Variants in AGBL1 observed in about 807,000 individuals in gnomAD.
AGBL1 encodes the protein AGBL carboxypeptidase 1.
In AGBL1, 130 loss-of-function variants were observed where a neutral mutation model predicts 118.9. The observed-to-expected ratio is 1.09, with a 90% CI of 0.95 to 1.26. The LOEUF (loss-of-function observed/expected upper bound fraction) is 1.26, where lower values mean the gene tolerates loss of function less well. Ranked by LOEUF, AGBL1 falls within the 50% of genes most tolerant of loss-of-function variation. The probability of loss-of-function intolerance (pLI) is 0.00; values close to 1 mark genes in which losing one functional copy is unlikely to be tolerated. For synonymous variants in AGBL1, 555 were observed against 478.9 expected (o/e 1.16, Z -2.08); for missense variants, 1,584 against 1,298.1 (o/e 1.22, Z -3.38).
intron 22 of AGBL1, among the ~76,000 whole-genome samples, chr15:86,833,124 C>T (rs757456216): frequency 5.9e-5 from 9 of 152,248 alleles, no homozygotes; most frequent in Middle Eastern, 3.4e-3. Context: ...TCAATTGCTT[C>T]GCATTGGGTT....
chr15:86,336,277 A>G (rs745426734), intron 17 of AGBL1, among the ~76,000 whole-genome samples: 2 of 152,164 alleles, frequency 1.3e-5, no homozygotes, highest in Admixed American at 1.3e-4. Context: ...CATTTTACTC[A>G]TGGGGTTGGG....
At chr15:86,111,753 C>T (rs1350208667) in intron 1 of AGBL1, among the ~76,000 whole-genome samples, 1 of 152,178 alleles carries the variant, frequency 6.6e-6, no homozygotes, top group Non-Finnish European at 1.5e-5. Flanking sequence ...CAGGGGTCTC[C>T]AACCCCCGGG....
chr15:86,781,082 T>G (rs1390661229), intron 22 of AGBL1, among the ~76,000 whole-genome samples: 7 of 152,314 alleles, frequency 4.6e-5, no homozygotes, highest in Admixed American at 2.0e-4. Flanking sequence ...ATAGCACCCT[T>G]TAAAATATTT....
At chr15:87,014,074 T>C (rs1451653677) in intron 24 of AGBL1, among the ~76,000 whole-genome samples, 1 of 152,194 alleles carries the variant, frequency 6.6e-6, no homozygotes, top group Non-Finnish European at 1.5e-5. Context: ...TGATAGACAC[T>C]TATTATTTCT....
At chr15:86,751,714 T>C (rs926182416) in intron 22 of AGBL1, among the ~76,000 whole-genome samples, 2 of 152,132 alleles carry the variant, frequency 1.3e-5, no homozygotes, top group African/African-American at 4.8e-5. Flanking sequence ...GTATTACATA[T>C]CTTATTTAAA....
intron 18 of AGBL1, among the ~76,000 whole-genome samples, chr15:86,433,032 A>T (rs1233716451): frequency 6.6e-6 from 1 of 152,194 alleles, no homozygotes; most frequent in African/African-American, 2.4e-5. Context: ...GATGCTAAGA[A>T]CAAAGTTCCC....
At chr15:86,993,968 C>T (rs1257749702) in intron 24 of AGBL1, among the ~76,000 whole-genome samples, 1 of 152,054 alleles carries the variant, frequency 6.6e-6, no homozygotes, top group Non-Finnish European at 1.5e-5. Context: ...GATCCTTTCC[C>T]ATCCATCCTG....
Position 86,264,812 on chromosome 15 carries a change from G to T in AGBL1, c.1641G>T (p.Met547Ile), listed in dbSNP as rs143113232. The T allele has an allele frequency of 2.1e-5, 34 of 1,609,590 alleles. No individual in the cohort carries two copies. The African/African-American group carries it at 3.5e-4, about 16-fold the overall frequency. ...GHCPPPTTQP[M>I]LERKCGVQRI... ...GTCCCCCTCCCACCACCCAGCCTAT[G>T]TTGGAACGAAAATGTGGAGTCCAAA... The change falls in exon 11 of 23, where the codon ATG becomes ATT. Residue 547 changes from methionine (M) to isoleucine (I), a missense_variant. By Grantham distance (10) the Met-to-Ile change is conservative. Transcript: ENST00000614907.
chr15:86,809,414 T>A (rs1343915814), intron 22 of AGBL1, among the ~76,000 whole-genome samples: 1 of 152,160 alleles, frequency 6.6e-6, no homozygotes, highest in Non-Finnish European at 1.5e-5. Context: ...CTCTCACATA[T>A]ATATATGCTG....
chr15:86,943,689 A>C (rs1297785888), intron 23 of AGBL1, among the ~76,000 whole-genome samples: 1 of 152,222 alleles, frequency 6.6e-6, no homozygotes, highest in Non-Finnish European at 1.5e-5. Flanking sequence ...GGGAACCTCC[A>C]TGTTGAATAT....
rs1290881188 is a variant in AGBL1 at position 86,827,454 on chromosome 15, T to C, written c.3159-79633T>C. ...ACACATATATATATGTGTGTGTATA[T>C]ATATATATATATATACATATATATA... On this transcript the variant is annotated intron_variant, in intron 22 of 22. Coordinates refer to ENST00000614907, the MANE Select transcript of AGBL1 (RefSeq NM_001386094.1). Among the ~76,000 whole-genome samples the C allele has an allele frequency of 8.1e-3, 83 of 10,232 alleles. 16 individuals are homozygous for C. In the East Asian group the frequency reaches 0.18, roughly 22 times the overall value. 6.7% of individuals were successfully genotyped at this position (10,232 alleles called of 152,430 possible).
intron 18 of AGBL1, among the ~76,000 whole-genome samples, chr15:86,496,141 GT>G (rs899377237): frequency 1.3e-4 from 19 of 151,942 alleles, no homozygotes; most frequent in Non-Finnish European, 2.8e-4. Context: ...CATGGGGGCG[GT>G]TTCCCCCATG....
intron 21 of AGBL1, among the ~76,000 whole-genome samples, chr15:86,577,861 G>A (rs2084115770): frequency 6.6e-6 from 1 of 152,148 alleles, no homozygotes; most frequent in Admixed American, 6.5e-5. Context: ...CCTCCGCCTA[G>A]ATTTCAGAAG....
chr15:86,814,780 G>T (rs903805051), intron 22 of AGBL1, among the ~76,000 whole-genome samples: 1 of 152,150 alleles, frequency 6.6e-6, no homozygotes, highest in East Asian at 1.9e-4. Context: ...GTCAATTTTT[G>T]ATTTCTTAAA....
Position 86,220,308 on chromosome 15 carries a change from T to C in AGBL1, c.489-4606T>C, listed in dbSNP as rs73447618. 4.9e-3 allele frequency among the ~76,000 whole-genome samples: 739 copies of C among 152,264 alleles called. 8 individuals are homozygous for C. Among genetic ancestry groups the C allele is most frequent in the African/African-American group, 0.017 (706 of 41,562 alleles). On this transcript the variant is annotated intron_variant, in intron 5 of 22. Transcript: ENST00000614907. ...GGAAGATTATTTAACCTTTGTGAAC[T>C]TCATTATTGCTGTTTGTAAACCAAG...
chr15:86,346,668 A>G (rs1278686302), intron 17 of AGBL1, among the ~76,000 whole-genome samples: 1 of 152,158 alleles, frequency 6.6e-6, no homozygotes, highest in Non-Finnish European at 1.5e-5. Flanking sequence ...CTTTATGGTC[A>G]AGTGAAAGCT....
chr15:86,554,275 C>T, intron 20 of AGBL1, 86 bp from the exon 21 acceptor site: 1 of 1,169,142 alleles, frequency 8.6e-7, no homozygotes, highest in South Asian at 1.6e-5. Flanking sequence ...TATATAGATG[C>T]TTAACAATGT....
intron 23 of AGBL1, among the ~76,000 whole-genome samples, chr15:86,970,296 T>C (rs1016722053): frequency 1.3e-5 from 2 of 152,110 alleles, no homozygotes; most frequent in African/African-American, 2.4e-5. Flanking sequence ...CAAATACTTA[T>C]ATGGTACTTA....
At chr15:86,593,929 T>G (rs2142357613) in intron 21 of AGBL1, among the ~76,000 whole-genome samples, 1 of 152,290 alleles carries the variant, frequency 6.6e-6, no homozygotes, top group South Asian at 2.1e-4. Flanking sequence ...TGATTTTTTT[T>G]TTTTTAATTT....
Sources: gnomAD v4.1 joint callset for allele counts (sites outside exome capture counted in the v4.1 genomes callset) on GRCh38, gnomAD v4.1.1 for gene constraint, MANE v1.5 for transcripts, NCBI Gene and HGNC (gene_info 2026-07-23, HGNC 2026-07-21) for gene names.